Variants in PLAC8L1 observed in about 807,000 individuals in gnomAD.
PLAC8L1 encodes PLAC8-like protein 1.
In PLAC8L1, 13 loss-of-function variants were observed where a neutral mutation model predicts 16.3. That is an observed-to-expected ratio of 0.80 (90% confidence interval 0.52 to 1.27). The LOEUF (loss-of-function observed/expected upper bound fraction) is 1.27. Ranked by LOEUF, PLAC8L1 falls within the 50% of genes most tolerant of loss-of-function variation. The pLI, the probability that PLAC8L1 is intolerant of heterozygous loss-of-function variation, is 0.00. For missense variants in PLAC8L1, 184 were observed against 220.2 expected (o/e 0.84, Z 1.04); for synonymous variants, 78 against 79.3 (o/e 0.98, Z 0.09).
At chr5:146,096,128 G>A (rs1362393114) in intron 2 of PLAC8L1, among the ~76,000 whole-genome samples, 1 of 152,124 alleles carries the variant, frequency 6.6e-6, no homozygotes, top group East Asian at 1.9e-4. Flanking sequence ...GGAAAAATCT[G>A]TTCCCTGTCT....
At chr5:146,085,295 A>G (rs181435772) in intron 3 of PLAC8L1, among the ~76,000 whole-genome samples, 166 bp downstream of exon 3, 2 of 152,310 alleles carry the variant, frequency 1.3e-5, no homozygotes, top group East Asian at 3.9e-4. Context: ...ATTTCCTGGT[A>G]AAGAATAAAA....
rs1438915521 is a variant in PLAC8L1 at position 146,105,281 on chromosome 5, AT to A, written c.-971del. Reference sequence around the variant, plus strand: ...TAGGGTTCTGAACTTCAAAGCATTTATTGAACCAGGTTGTTAGGAAAAGCCT... The same window carrying A: ...TAGGGTTCTGAACTTCAAAGCATTTATGAACCAGGTTGTTAGGAAAAGCCT... On this transcript the variant is annotated 5_prime_UTR_variant, in exon 1 of 4. Transcript: ENST00000311450. Among the ~76,000 whole-genome samples the A allele has an allele frequency of 6.6e-6, 1 of 152,170 alleles. No individual in the cohort carries two copies. The highest frequency in any genetic ancestry group is 2.4e-5 in the African/African-American group (1 of 41,442).
rs148862649 is a variant in PLAC8L1, at chr5:146,096,617, T to A, written c.256+1539A>T. Among the ~76,000 whole-genome samples, 63 of 152,280 alleles carry A rather than the reference T, an allele frequency of 4.1e-4. No individual in the cohort carries two copies. The East Asian group carries it at 9.9e-3, about 24-fold the overall frequency. ...ACGGTGTATATGTGATATGAACCTGTTCTCCTAACCACTACACCATATTCC... is the reference window on the plus strand; with the variant it reads ...ACGGTGTATATGTGATATGAACCTGATCTCCTAACCACTACACCATATTCC... On this transcript the variant is annotated intron_variant, in intron 2 of 3. Coordinates refer to ENST00000311450, the MANE Select transcript of PLAC8L1 (RefSeq NM_001029869.3).
At chr5:146,092,044 T>A (rs1213243056) in intron 2 of PLAC8L1, among the ~76,000 whole-genome samples, 2 of 152,196 alleles carry the variant, frequency 1.3e-5, no homozygotes, top group Non-Finnish European at 2.9e-5. Context: ...CACCCGCATG[T>A]GTGGAATGTT....
intron 2 of PLAC8L1, among the ~76,000 whole-genome samples, chr5:146,086,271 C>T (rs903056489): frequency 3.3e-5 from 5 of 151,914 alleles, no homozygotes; most frequent in Non-Finnish European, 5.9e-5. Context: ...CCTCGTGATC[C>T]GCCCGCCTCG....
intron 1 of PLAC8L1, among the ~76,000 whole-genome samples, chr5:146,099,933 T>G (rs1486908887): frequency 2.6e-5 from 4 of 152,288 alleles, no homozygotes; most frequent in Middle Eastern, 6.8e-3. Context: ...TGTCTACACC[T>G]TCCCAAAGAT....
At chr5:146,101,982 A>T (rs888415090) in intron 1 of PLAC8L1, among the ~76,000 whole-genome samples, 4 of 151,442 alleles carry the variant, frequency 2.6e-5, no homozygotes, top group African/African-American at 7.3e-5. Flanking sequence ...AAATCAAATA[A>T]CTAACAGGAT....
rs546777768 is a variant in PLAC8L1, at chr5:146,103,873, C to T, written c.119+320G>A. ...TTGATTATTTCAAACTCAGCTGAAG[C>T]CAAAACCCTTGAGTTTTCATTTCAA... On this transcript the variant is annotated intron_variant, in intron 1 of 3. Transcript: ENST00000311450. 30 of 985,360 alleles carry T rather than the reference C, an allele frequency of 3.0e-5. No homozygotes were observed. The African/African-American group carries it at 4.2e-4, about 14-fold the overall frequency. The allele number at this position is 985,360 out of a possible 1,614,324, so 61.0% of individuals were successfully genotyped here.
At chr5:146,097,155 A>T (rs1259583916) in intron 2 of PLAC8L1, among the ~76,000 whole-genome samples, 1 of 152,220 alleles carries the variant, frequency 6.6e-6, no homozygotes, top group Non-Finnish European at 1.5e-5. Context: ...GGGCAAGACC[A>T]TCAGGTCCTG....
At chr5:146,089,145 AT>A (rs1047189813) in intron 2 of PLAC8L1, among the ~76,000 whole-genome samples, 1 of 152,094 alleles carries the variant, frequency 6.6e-6, no homozygotes, top group Non-Finnish European at 1.5e-5. Flanking sequence ...CTTGCACCAT[AT>A]TTTTATGACT....
rs75221231 is a variant in PLAC8L1 at position 146,086,929 on chromosome 5, A to G, written c.257-1332T>C. On this transcript the variant is annotated intron_variant, in intron 2 of 3. Coordinates refer to ENST00000311450, the MANE Select transcript of PLAC8L1 (RefSeq NM_001029869.3). ...TATATAAGAAAATGCACAGGCCATC[A>G]GTGTTCTGTGGGATGAGTGTCAACA... 4.1e-4 allele frequency among the ~76,000 whole-genome samples: 62 copies of G among 152,336 alleles called. 2 individuals are homozygous for G. The East Asian group carries it at 0.012, about 28-fold the overall frequency.
intron 2 of PLAC8L1, among the ~76,000 whole-genome samples, chr5:146,092,604 T>C (rs1241280318): frequency 7.0e-6 from 1 of 143,502 alleles, no homozygotes; most frequent in Non-Finnish European, 1.5e-5. Flanking sequence ...TGCAGTAGCA[T>C]GATCTCAGCT....
intron 2 of PLAC8L1, among the ~76,000 whole-genome samples, chr5:146,091,338 A>G (rs1185332428): frequency 1.3e-5 from 2 of 152,228 alleles, no homozygotes; most frequent in Non-Finnish European, 2.9e-5. Flanking sequence ...AGGCTGAAGT[A>G]CAAATAAACT....
intron 1 of PLAC8L1, chr5:146,103,648 G>T: frequency 1.0e-6 from 1 of 984,302 alleles, no homozygotes; most frequent in South Asian, 4.7e-5. Context: ...GAGGCAGGAG[G>T]CTAACTCCTG....
At position 146,101,551 on chromosome 5, in the gene PLAC8L1, A is replaced by G. The variant is rs532383931; in HGVS notation, c.119+2642T>C. Among the ~76,000 whole-genome samples, 5 of 152,260 alleles carry G rather than the reference A, an allele frequency of 3.3e-5. No homozygotes were observed. In the South Asian group the frequency reaches 6.2e-4, roughly 19 times the overall value. ...GGGCATATGCTGTTCCTCCCTGTATACCCACTATCCCGCACACTACCCTGA... is the reference window on the plus strand; with the variant it reads ...GGGCATATGCTGTTCCTCCCTGTATGCCCACTATCCCGCACACTACCCTGA... On this transcript the variant is annotated intron_variant, in intron 1 of 3. Coordinates refer to ENST00000311450, the MANE Select transcript of PLAC8L1 (RefSeq NM_001029869.3).
chr5:146,089,320 T>C (rs142497887), intron 2 of PLAC8L1, among the ~76,000 whole-genome samples: 230 of 152,322 alleles, frequency 1.5e-3, no homozygotes, highest in African/African-American at 5.3e-3. Flanking sequence ...ATGTGATTTT[T>C]AAAAAACACT....
At chr5:146,095,939 T>G (rs368925919) in intron 2 of PLAC8L1, among the ~76,000 whole-genome samples, 1 of 152,356 alleles carries the variant, frequency 6.6e-6, no homozygotes. Flanking sequence ...AGCTATCCCA[T>G]GGCCTTCTAA....
intron 2 of PLAC8L1, among the ~76,000 whole-genome samples, chr5:146,086,264 C>T (rs947152171): frequency 1.3e-5 from 2 of 151,744 alleles, no homozygotes; most frequent in Admixed American, 6.6e-5. Flanking sequence ...CTCCTGACCT[C>T]GTGATCCGCC....
chr5:146,096,306 T>C (rs904342775), intron 2 of PLAC8L1, among the ~76,000 whole-genome samples: 3 of 152,194 alleles, frequency 2.0e-5, no homozygotes, highest in Admixed American at 6.5e-5. Flanking sequence ...TTTGACTACA[T>C]TGTAAAGACT....
Sources: gnomAD v4.1 joint callset for allele counts (sites outside exome capture counted in the v4.1 genomes callset) on GRCh38, gnomAD v4.1.1 for gene constraint, MANE v1.5 for transcripts, NCBI Gene and HGNC (gene_info 2026-07-23, HGNC 2026-07-21) for gene names.